The following RNGTT variants were observed in gnomAD, a reference collection of about 807,000 sequenced individuals.
The protein encoded by RNGTT is mRNA-capping enzyme.
Under a neutral mutation model 79.3 loss-of-function variants are expected in RNGTT, and 33 were observed. The ratio of observed to expected loss-of-function variants is 0.42; its 90% CI spans 0.32 to 0.56. The LOEUF is 0.56. RNGTT is among the 20% of genes least tolerant of loss of function. The pLI, the probability that RNGTT is intolerant of heterozygous loss-of-function variation, is 0.17. For synonymous variants in RNGTT, 222 were observed against 235.9 expected (o/e 0.94, Z 0.54); for missense variants, 497 against 739.1 (o/e 0.67, Z 3.80).
intron 2 of RNGTT, among the ~76,000 whole-genome samples, chr6:88,935,710 T>C (rs1475701978): frequency 6.6e-6 from 1 of 151,954 alleles, no homozygotes; most frequent in Admixed American, 6.6e-5. Context: ...GGCATGGAGG[T>C]CTTTCTATTT....
At chr6:88,920,904 C>T (rs1041662996) in intron 4 of RNGTT, among the ~76,000 whole-genome samples, 3 of 152,040 alleles carry the variant, frequency 2.0e-5, no homozygotes, top group Admixed American at 1.3e-4. Flanking sequence ...TTTATATTCC[C>T]GGCAGTGATT....
chr6:88,824,965 A>G (rs1780610977), intron 11 of RNGTT, among the ~76,000 whole-genome samples: 1 of 151,638 alleles, frequency 6.6e-6, no homozygotes, highest in East Asian at 1.9e-4. Context: ...CTGGTCTCAA[A>G]CTCCTGACCT....
At chr6:88,832,602 A>C (rs1780909876) in intron 11 of RNGTT, among the ~76,000 whole-genome samples, 2 of 152,272 alleles carry the variant, frequency 1.3e-5, no homozygotes, top group African/African-American at 4.8e-5. Flanking sequence ...ATTAAACTAA[A>C]GAGCTTGTGC....
intron 13 of RNGTT, among the ~76,000 whole-genome samples, chr6:88,699,959 T>C (rs1296415018): frequency 1.3e-5 from 2 of 152,050 alleles, no homozygotes; most frequent in Non-Finnish European, 2.9e-5. Context: ...AGAGTTTCTG[T>C]TTGGGATGAT....
At chr6:88,766,776 T>C (rs1339011183) in intron 13 of RNGTT, among the ~76,000 whole-genome samples, 1 of 152,118 alleles carries the variant, frequency 6.6e-6, no homozygotes, top group African/African-American at 2.4e-5. Flanking sequence ...AAGACTATTA[T>C]TTATATTATA....
At chr6:88,784,758 T>C (rs567229530) in intron 12 of RNGTT, among the ~76,000 whole-genome samples, 1 of 152,268 alleles carries the variant, frequency 6.6e-6, no homozygotes, top group African/African-American at 2.4e-5. Context: ...ATAAACCCTA[T>C]CTTTTTGCTA....
At chr6:88,690,913 A>G (rs1775454842) in intron 13 of RNGTT, among the ~76,000 whole-genome samples, 1 of 152,128 alleles carries the variant, frequency 6.6e-6, no homozygotes, top group Non-Finnish European at 1.5e-5. Flanking sequence ...ACTGGTAAGC[A>G]CCTCAAACTG....
chr6:88,944,345 G>A (rs561485765), intron 1 of RNGTT, among the ~76,000 whole-genome samples: 51 of 152,192 alleles, frequency 3.4e-4, no homozygotes, highest in African/African-American at 5.1e-4. Flanking sequence ...TGAAGACTAC[G>A]GATGTAGAGT....
chr6:88,916,953 T>C (rs1259771657), intron 4 of RNGTT, among the ~76,000 whole-genome samples: 1 of 152,250 alleles, frequency 6.6e-6, no homozygotes, highest in Non-Finnish European at 1.5e-5. Context: ...TGTACTTACT[T>C]GTTCTACTTA....
intron 12 of RNGTT, among the ~76,000 whole-genome samples, chr6:88,770,912 A>C (rs1391407429): frequency 6.6e-6 from 1 of 152,070 alleles, no homozygotes; most frequent in Non-Finnish European, 1.5e-5. Context: ...TTCTTTGGTG[A>C]AGTGTCTGTT....
chr6:88,691,015 C>T (rs1582335573), intron 13 of RNGTT, among the ~76,000 whole-genome samples: 1 of 152,120 alleles, frequency 6.6e-6, no homozygotes, highest in East Asian at 1.9e-4. Flanking sequence ...AATCCTAATA[C>T]TGAACAAAAG....
chr6:88,699,757 C>T (rs1775883159), intron 13 of RNGTT, among the ~76,000 whole-genome samples: 1 of 152,158 alleles, frequency 6.6e-6, no homozygotes, highest in African/African-American at 2.4e-5. Flanking sequence ...GACATTCTGA[C>T]ATGTTATAAT....
At chr6:88,646,596 A>C (rs1169543297) in intron 14 of RNGTT, among the ~76,000 whole-genome samples, 10 of 152,246 alleles carry the variant, frequency 6.6e-5, no homozygotes, top group Non-Finnish European at 1.3e-4. Flanking sequence ...ACCAACCCAA[A>C]TGTCCACCAA....
At position 88,818,308 on chromosome 6, in the gene RNGTT, C is replaced by T. The variant is rs184876888; in HGVS notation, c.1270-16676G>A. 6.1e-3 allele frequency among the ~76,000 whole-genome samples: 921 copies of T among 152,052 alleles called. 18 individuals carry two copies. Among genetic ancestry groups the T allele is most frequent in the African/African-American group, 0.02 (842 of 41,512 alleles). Reference sequence around the variant, plus strand: ...TAATTTAAGTTTACTTTGGGCTGGGCGCGGTGGCTCATGCCTGTAATCCCA... The same window carrying T: ...TAATTTAAGTTTACTTTGGGCTGGGTGCGGTGGCTCATGCCTGTAATCCCA... On this transcript the variant is annotated intron_variant, in intron 11 of 15. Transcript: ENST00000369485.
rs188473955 is a variant in RNGTT, at chr6:88,658,623, A to G, written c.1506+19730T>C. 1.9e-3 allele frequency among the ~76,000 whole-genome samples: 286 copies of G among 152,278 alleles called. 3 individuals carry two copies. Among genetic ancestry groups the G allele is most frequent in the African/African-American group, 6.7e-3 (280 of 41,544 alleles). On this transcript the variant is annotated intron_variant, in intron 14 of 15. Coordinates refer to ENST00000369485, the MANE Select transcript of RNGTT (RefSeq NM_003800.5). ...GTATTGTTCCTGGGTGTATCTGTGA[A>G]GGTGTTGCCAAAGGACATTAACATT...
At chr6:88,940,685 T>C (rs1048902941) in intron 2 of RNGTT, among the ~76,000 whole-genome samples, 1 of 152,134 alleles carries the variant, frequency 6.6e-6, no homozygotes, top group Non-Finnish European at 1.5e-5. Context: ...AGGAGAGAGT[T>C]TGACCATAAA....
chr6:88,920,367 G>A (rs1784127963), intron 4 of RNGTT, among the ~76,000 whole-genome samples: 1 of 152,078 alleles, frequency 6.6e-6, no homozygotes, highest in South Asian at 2.1e-4. Context: ...TATGTGAACA[G>A]TTACTATACT....
chr6:88,667,136 C>T (rs192475850), intron 14 of RNGTT, among the ~76,000 whole-genome samples: 8 of 152,272 alleles, frequency 5.3e-5, no homozygotes, highest in Non-Finnish European at 7.4e-5. Flanking sequence ...CACTCCCTTC[C>T]GAGCATCAGT....
chr6:88,719,805 A>G lies in RNGTT; in HGVS notation c.1440-41386T>C, dbSNP rs537148097. 2.6e-5 allele frequency among the ~76,000 whole-genome samples: 4 copies of G among 152,360 alleles called. No homozygotes were observed. In the South Asian group the frequency reaches 8.3e-4, roughly 32 times the overall value. ...GTTCTCAGGGTACTTGTACCAAAGT[A>G]CATATTATCATAAAAATAGGTAAGA... is the stretch of plus-strand genomic sequence containing the variant. On this transcript the variant is annotated intron_variant, in intron 13 of 15. Coordinates refer to ENST00000369485, the MANE Select transcript of RNGTT (RefSeq NM_003800.5).
Sources: gnomAD v4.1 joint callset for allele counts (sites outside exome capture counted in the v4.1 genomes callset) on GRCh38, gnomAD v4.1.1 for gene constraint, MANE v1.5 for transcripts, NCBI Gene and HGNC (gene_info 2026-07-23, HGNC 2026-07-21) for gene names.